SLC35F1: variants seen among roughly 807,000 people sequenced by gnomAD.
SLC35F1 encodes solute carrier family 35 member F1, also known as chromosome 6 open reading frame 169.
A neutral mutation model predicts 48.7 loss-of-function variants in SLC35F1; 14 were observed. The ratio of observed to expected loss-of-function variants is 0.29; its 90% CI spans 0.19 to 0.45. SLC35F1 has a LOEUF of 0.45. Ranked by LOEUF, SLC35F1 falls within the 20% of genes least tolerant of loss-of-function variation. The probability of loss-of-function intolerance (pLI) is 1.00; values close to 1 mark genes in which losing one functional copy is unlikely to be tolerated. For synonymous variants in SLC35F1, 190 were observed against 202.2 expected (o/e 0.94, Z 0.51); for missense variants, 404 against 500.0 (o/e 0.81, Z 1.83).
chr6:117,965,676 A>G (rs190880487), intron 1 of SLC35F1, among the ~76,000 whole-genome samples: 1 of 152,202 alleles, frequency 6.6e-6, no homozygotes, highest in Non-Finnish European at 1.5e-5. Flanking sequence ...CTGACATAAC[A>G]TAGTACCACA....
chr6:118,189,126 T>C (rs762867338), intron 2 of SLC35F1, among the ~76,000 whole-genome samples: 2 of 152,126 alleles, frequency 1.3e-5, no homozygotes, highest in Non-Finnish European at 2.9e-5. Flanking sequence ...TTGTTCAGGT[T>C]AGTCTTGAAC....
intron 1 of SLC35F1, among the ~76,000 whole-genome samples, chr6:118,098,086 CA>C (rs1355704210): frequency 2.0e-5 from 3 of 152,170 alleles, no homozygotes; most frequent in Non-Finnish European, 4.4e-5. Context: ...CTATTACTTG[CA>C]AGCACAGTTC....
At chr6:117,979,443 T>C (rs1223456541) in intron 1 of SLC35F1, among the ~76,000 whole-genome samples, 1 of 152,238 alleles carries the variant, frequency 6.6e-6, no homozygotes, top group Non-Finnish European at 1.5e-5. Flanking sequence ...TGGTTTTGCC[T>C]CACGATGTTT....
intron 1 of SLC35F1, among the ~76,000 whole-genome samples, chr6:118,077,670 G>T (rs1772842241): frequency 6.6e-6 from 1 of 152,228 alleles, no homozygotes; most frequent in Non-Finnish European, 1.5e-5. Flanking sequence ...AAGATTTACA[G>T]TCGTTTTATT....
At chr6:118,286,815 G>T (rs950738138) in intron 7 of SLC35F1, among the ~76,000 whole-genome samples, 18 of 151,758 alleles carry the variant, frequency 1.2e-4, no homozygotes, top group African/African-American at 4.4e-4. Context: ...TTGTGTGTGT[G>T]TGTGGTGAGA....
intron 7 of SLC35F1, among the ~76,000 whole-genome samples, chr6:118,312,429 C>T (rs1240806412): frequency 6.6e-6 from 1 of 152,094 alleles, no homozygotes; most frequent in Non-Finnish European, 1.5e-5. Flanking sequence ...TTTTATTTTA[C>T]AAATTTATGA....
chr6:117,989,051 G>T (rs1036596092), intron 1 of SLC35F1, among the ~76,000 whole-genome samples: 1 of 152,172 alleles, frequency 6.6e-6, no homozygotes, highest in Non-Finnish European at 1.5e-5. Flanking sequence ...GAAGTTGGTA[G>T]TACCCAGGGA....
chr6:118,157,900 C>G (rs1294008153), intron 2 of SLC35F1, among the ~76,000 whole-genome samples: 2 of 152,190 alleles, frequency 1.3e-5, no homozygotes, highest in Non-Finnish European at 2.9e-5. Flanking sequence ...ATCCTTCAAT[C>G]CAATCAAGTT....
At chr6:118,178,555 A>G (rs78357874) in intron 2 of SLC35F1, among the ~76,000 whole-genome samples, 2,572 of 152,196 alleles carry the variant, frequency 0.017, 93 homozygotes, top group African/African-American at 0.059. Flanking sequence ...CAAATAGCTC[A>G]AGAAGAATCA....
chr6:118,230,695 A>T (rs1775281223), intron 2 of SLC35F1, among the ~76,000 whole-genome samples: 1 of 152,204 alleles, frequency 6.6e-6, no homozygotes, highest in African/African-American at 2.4e-5. Flanking sequence ...CAAAATCAAG[A>T]TGATAAGGCT....
chr6:118,190,147 T>C (rs1774712825), intron 2 of SLC35F1, among the ~76,000 whole-genome samples: 1 of 152,146 alleles, frequency 6.6e-6, no homozygotes, highest in Non-Finnish European at 1.5e-5. Flanking sequence ...TGTTAGTCAT[T>C]GATGCCACTA....
chr6:117,914,043 T>A (rs1775795646), intron 1 of SLC35F1, among the ~76,000 whole-genome samples: 1 of 151,894 alleles, frequency 6.6e-6, no homozygotes, highest in Admixed American at 6.6e-5. Context: ...AGAGTGAAAC[T>A]CCATCTCAAA....
chr6:118,164,557 A>G (rs187135384), intron 2 of SLC35F1, among the ~76,000 whole-genome samples: 52 of 152,336 alleles, frequency 3.4e-4, no homozygotes, highest in Admixed American at 3.2e-3. Context: ...TAATAATAGT[A>G]AATTCTTTAC....
intron 1 of SLC35F1, among the ~76,000 whole-genome samples, chr6:118,125,681 C>A (rs1017304350): frequency 2.0e-5 from 3 of 152,138 alleles, no homozygotes; most frequent in Non-Finnish European, 4.4e-5. Context: ...ATCACTAGAC[C>A]CCCAAGCTGG....
intron 1 of SLC35F1, among the ~76,000 whole-genome samples, chr6:117,923,678 C>CATATGTACACATATACATATGT (rs1562238734): frequency 5.2e-4 from 11 of 20,986 alleles, no homozygotes; most frequent in South Asian, 2.7e-3. Flanking sequence ...CATATATGTA[C>CATATGTACACATATACATATGT]ATATATACAT....
At chr6:118,258,467 G>A (rs1370806327) in intron 3 of SLC35F1, among the ~76,000 whole-genome samples, 1 of 152,034 alleles carries the variant, frequency 6.6e-6, no homozygotes, top group African/African-American at 2.4e-5. Context: ...TTTAACATTT[G>A]ACAATGAGAT....
At chr6:118,149,915 T>C (rs186452226) in intron 1 of SLC35F1, among the ~76,000 whole-genome samples, 6 of 152,216 alleles carry the variant, frequency 3.9e-5, no homozygotes, top group Non-Finnish European at 8.8e-5. Context: ...CTAGAGTATT[T>C]CTGGAAACCA....
intron 1 of SLC35F1, among the ~76,000 whole-genome samples, chr6:117,924,486 G>A (rs1359045): frequency 0.026 from 454 of 17,768 alleles, 55 homozygotes; most frequent in South Asian, 0.065. Context: ...ATGTATATAC[G>A]TATATACATA....
At chr6:117,990,579 A>G (rs746018172) in intron 1 of SLC35F1, among the ~76,000 whole-genome samples, 5 of 152,224 alleles carry the variant, frequency 3.3e-5, no homozygotes, top group Non-Finnish European at 7.4e-5. Flanking sequence ...TTGCATTGCA[A>G]TTTGCATTTT....
Sources: allele counts gnomAD v4.1 joint callset (sites outside exome capture counted in the v4.1 genomes callset), GRCh38; gene constraint gnomAD v4.1.1; transcripts MANE v1.5; gene names NCBI Gene and HGNC (gene_info 2026-07-23, HGNC 2026-07-21).